Variants in SH3BP2 observed in about 807,000 individuals in gnomAD.
SH3BP2 encodes SH3 domain-binding protein 2.
Under a neutral mutation model 56.2 loss-of-function variants are expected in SH3BP2, and 38 were observed. That is an observed-to-expected ratio of 0.68 (90% CI 0.52 to 0.89). The LOEUF is 0.89. SH3BP2 is among the 40% of genes least tolerant of loss of function. The probability of loss-of-function intolerance (pLI) is 0.00; values close to 1 mark genes in which losing one functional copy is unlikely to be tolerated. For missense variants in SH3BP2, 748 were observed against 762.6 expected (o/e 0.98, Z 0.23); for synonymous variants, 346 against 316.7 (o/e 1.09, Z -0.98).
chr4:2,796,308 C>G (rs765109326), intron 1 of SH3BP2: 4 of 603,296 alleles, frequency 6.6e-6, no homozygotes, highest in Non-Finnish European at 8.3e-6. Flanking sequence ...GACAGGAGTT[C>G]GAGGTGGTGC....
At chr4:2,824,507 G>A (rs1724483872) in intron 3 of SH3BP2, 106 bp from the exon 4 acceptor site, 14 of 854,262 alleles carry the variant, frequency 1.6e-5, no homozygotes, top group Middle Eastern at 4.4e-4. Flanking sequence ...GCCCTCTTCC[G>A]TTGGGGCGTG....
intron 1 of SH3BP2, among the ~76,000 whole-genome samples, chr4:2,803,490 C>T (rs150263888): frequency 5.3e-5 from 8 of 152,258 alleles, no homozygotes; most frequent in Non-Finnish European, 7.4e-5. Context: ...TGCTAATAAG[C>T]GTGGAGGGGG....
intron 1 of SH3BP2, among the ~76,000 whole-genome samples, chr4:2,813,008 C>T (rs1279304871): frequency 1.3e-5 from 2 of 152,148 alleles, no homozygotes; most frequent in Non-Finnish European, 2.9e-5. Flanking sequence ...GGGCTGTGCT[C>T]GCAGAGCCCA....
chr4:2,826,688 G>A, intron 5 of SH3BP2: 1 of 351,588 alleles, frequency 2.8e-6, no homozygotes, highest in East Asian at 7.6e-5. Context: ...ATGTCCTCAT[G>A]TTGCTCTGTG....
chr4:2,829,805 G>T lies in SH3BP2; in HGVS notation c.899G>T (p.Ser300Ile). The change falls in exon 8 of 13, where the codon AGT becomes ATT. Residue 300 changes from serine to isoleucine, a missense_variant. By Grantham distance (142) the Ser-to-Ile change is moderately radical (BLOSUM62 -2). Around this residue, in one of 3 missense-constraint regions of SH3BP2, gnomAD observed 635 missense variants for 615.0 expected, o/e 1.03. Coordinates refer to ENST00000503393, the MANE Select transcript of SH3BP2 (RefSeq NM_001122681.2). This position sits in a 1 kb window ranked among gnomAD's most constrained non-coding sequence, Gnocchi z 4.9. Reference protein sequence around the residue: ...GLRKPPCFRESASPSPEPWTP... With the variant: ...GLRKPPCFREIASPSPEPWTP... The stretch of plus-strand genomic sequence containing the variant: ...CGGAAACCCCCTTGCTTCCGGGAGA[G>T]TGCCAGCCCCAGCCCGGAGCCCTGG... The T allele has an allele frequency of 6.2e-7, 1 of 1,613,340 alleles. No individual in the cohort carries two copies.
At chr4:2,814,575 G>A (rs563115641) in intron 1 of SH3BP2, among the ~76,000 whole-genome samples, 1 of 152,310 alleles carries the variant, frequency 6.6e-6, no homozygotes, top group East Asian at 1.9e-4. Context: ...CACATGCAAA[G>A]ATCACATACT....
In SH3BP2 at chr4:2,830,067, G is replaced by A. The variant is rs755103787; in HGVS notation, c.1161G>A (p.Ala387=). 7.4e-6 allele frequency: 12 copies of A among 1,610,814 alleles called. No homozygotes were observed. The Admixed American group carries it at 1.0e-4, about 13-fold the overall frequency. Residue 387 remains alanine (A), a synonymous_variant, in exon 8 of 13, where the codon GCG becomes GCA. Transcript: ENST00000503393. ...CCCCCGTGGCTCCCCGGCCTCCTGC[G>A]CTGAAGCTGCCAGTGCCTGAGGCCA... ...FVPPVAPRPP[A]LKLPVPEAMA... is the part of the protein sequence containing the mutation.
chr4:2,822,212 TG>T (rs34022496), intron 2 of SH3BP2, among the ~76,000 whole-genome samples: 152,298 of 152,300 alleles, frequency 1, 76,148 homozygotes, highest in Middle Eastern at 1. Context: ...TGCAGTGCAG[TG>T]GGTGCGAACA....
intron 1 of SH3BP2, chr4:2,812,598 A>T: frequency 7.7e-7 from 1 of 1,295,482 alleles, no homozygotes; most frequent in Non-Finnish European, 1.1e-6. Context: ...GTGGGAGCCC[A>T]CAGGAGGTGG....
At position 2,797,318 on chromosome 4, in the gene SH3BP2, T is replaced by G. The variant is rs376621453; in HGVS notation, c.-5+4180T>G. On this transcript the variant is annotated intron_variant, in intron 1 of 12. Transcript: ENST00000503393. ...TGGGAGTCTGGGGCAGTGGTGCGCC[T>G]TTACCACCCACCCTGGTTTCTGCCT... 2.6e-4 allele frequency among the ~76,000 whole-genome samples: 39 copies of G among 152,294 alleles called. No individual in the cohort carries two copies. The East Asian group carries it at 7.3e-3, about 29-fold the overall frequency.
In SH3BP2 at chr4:2,837,967, A is replaced by G. The variant is rs1242420486; in HGVS notation, c.*4133A>G. ...CTGGAGGGAGATTTGATGGGTACAG[A>G]GCAGACCCCTACCTGTCTACCCTCC... On this transcript the variant is annotated 3_prime_UTR_variant, in exon 13 of 13. Coordinates refer to ENST00000503393, the MANE Select transcript of SH3BP2 (RefSeq NM_001122681.2). 2.6e-5 allele frequency: 4 copies of G among 152,382 alleles called. No individual in the cohort carries two copies. The East Asian group carries it at 5.8e-4, about 22-fold the overall frequency. 9.4% of individuals were successfully genotyped at this position (152,382 alleles called of 1,614,324 possible).
chr4:2,835,236 C>T lies in SH3BP2; in HGVS notation c.*1402C>T, dbSNP rs537423101. 6.6e-6 allele frequency: 1 copy of T among 152,434 alleles called. No homozygotes were observed. Among genetic ancestry groups the T allele is most frequent in the South Asian group, 2.1e-4 (1 of 4,826 alleles). The allele number at this position is 152,434 out of a possible 1,614,324, so 9.4% of individuals were successfully genotyped here. A position where few individuals can be genotyped will look rare whatever the true frequency, so the allele number is the denominator to read the frequency against. On this transcript the variant is annotated 3_prime_UTR_variant, in exon 13 of 13. Transcript: ENST00000503393. ...GAGAAGGTCCTGCAGCCCCCTTCCC[C>T]TGGGTGTGTTCTGGGGACCTGTGGT...
rs398766 is a variant in SH3BP2 at position 2,806,613 on chromosome 4, C to T, written c.-5+13475C>T. On this transcript the variant is annotated intron_variant, in intron 1 of 12. Transcript: ENST00000503393. Reference sequence around the variant, plus strand: ...TTCACTGTCTCCAGCCCCACCTCACCGTCTCCAGCCCCACCTCACCCTCAC... The same window carrying T: ...TTCACTGTCTCCAGCCCCACCTCACTGTCTCCAGCCCCACCTCACCCTCAC... Among the ~76,000 whole-genome samples the T allele has an allele frequency of 3.9e-5, 6 of 151,910 alleles. No individual in the cohort carries two copies. In the East Asian group the frequency reaches 5.8e-4, roughly 15 times the overall value.
chr4:2,818,075 T>C (rs1724081069), intron 1 of SH3BP2: 1 of 317,414 alleles, frequency 3.2e-6, no homozygotes, highest in Non-Finnish European at 4.6e-6. Context: ...GTGGGGAAAC[T>C]GAGGCCCGCA....
At position 2,831,501 on chromosome 4, in the gene SH3BP2, G is replaced by T. The variant is rs1577370025; in HGVS notation, c.1242-70G>T. 8.6e-7 allele frequency: 1 copy of T among 1,157,534 alleles called. No homozygotes were observed. Among genetic ancestry groups the T allele is most frequent in the East Asian group, 2.6e-5 (1 of 39,160 alleles). 71.7% of individuals were successfully genotyped at this position (1,157,534 alleles called of 1,614,324 possible). A position where few individuals can be genotyped will look rare whatever the true frequency, so the allele number is the denominator to read the frequency against. On this transcript the variant is annotated intron_variant, in intron 8 of 12. Coordinates refer to ENST00000503393, the MANE Select transcript of SH3BP2 (RefSeq NM_001122681.2). This position sits in a 1 kb window ranked among gnomAD's most constrained non-coding sequence, Gnocchi z 4.1. ...CCTCACACAGAGGGTGGAGTGGGGA[G>T]GGGAGCAGAGGGTGGCCGCCCCGTG...
chr4:2,794,584 G>A (rs867220662), intron 1 of SH3BP2, among the ~76,000 whole-genome samples: 24 of 152,226 alleles, frequency 1.6e-4, no homozygotes, highest in African/African-American at 5.1e-4. Context: ...ACCCTGGAGG[G>A]GGCAGGCAGA....
chr4:2,805,177 G>T (rs773415032), intron 1 of SH3BP2, among the ~76,000 whole-genome samples: 1 of 152,196 alleles, frequency 6.6e-6, no homozygotes, highest in Admixed American at 6.5e-5. Context: ...GAAGGTGCCC[G>T]GCAGATTTCC....
intron 1 of SH3BP2, chr4:2,818,432 C>T: frequency 3.7e-6 from 4 of 1,081,912 alleles, no homozygotes; most frequent in South Asian, 4.5e-5. Flanking sequence ...GGACCCGGGC[C>T]GCGAGCTTCC....
At position 2,840,422 on chromosome 4, in the gene SH3BP2, T is replaced by G. The variant is rs1466124666; in HGVS notation, c.*6588T>G. 7 of 152,088 alleles carry G rather than the reference T, an allele frequency of 4.6e-5. No homozygotes were observed. The highest frequency in any genetic ancestry group is 2.9e-5 in the Non-Finnish European group (2 of 68,014). 9.4% of individuals were successfully genotyped at this position (152,088 alleles called of 1,614,324 possible). A position where few individuals can be genotyped will look rare whatever the true frequency, so the allele number is the denominator to read the frequency against. On this transcript the variant is annotated 3_prime_UTR_variant, in exon 13 of 13. Coordinates refer to ENST00000503393, the MANE Select transcript of SH3BP2 (RefSeq NM_001122681.2). ...ATTCACTTTCATTTTTTTCTCTCCA[T>G]AGGGTTACACACCTGTCCTATCATT... is the stretch of plus-strand genomic sequence containing the variant.
Sources: gnomAD v4.1 joint callset for allele counts (sites outside exome capture counted in the v4.1 genomes callset) on GRCh38, gnomAD v4.1.1 for gene constraint, gnomAD v4.1.1 regional missense constraint, Gnocchi (gnomAD v3.1) non-coding constraint, MANE v1.5 for transcripts, NCBI Gene and HGNC (gene_info 2026-07-23, HGNC 2026-07-21) for gene names.